Variants in ABLIM3 observed in about 807,000 individuals in gnomAD.
The protein encoded by ABLIM3 is actin binding LIM protein family member 3.
A neutral mutation model predicts 109.5 loss-of-function variants in ABLIM3; 61 were observed. That is an observed-to-expected ratio of 0.56 (90% CI 0.45 to 0.69). ABLIM3 has a LOEUF of 0.69. ABLIM3 is among the 30% of genes least tolerant of loss of function. The pLI, the probability that ABLIM3 is intolerant of heterozygous loss-of-function variation, is 0.00. For synonymous variants in ABLIM3, 300 were observed against 324.8 expected, an observed-to-expected ratio of 0.92 and a Z score of 0.82; for missense variants, 796 against 889.5, an observed-to-expected ratio of 0.89 and a Z score of 1.34.
At chr5:149,186,903 CAAAT>C (rs1019761684) in intron 3 of ABLIM3, among the ~76,000 whole-genome samples, 21 of 149,520 alleles carry the variant, frequency 1.4e-4, no homozygotes, top group Non-Finnish European at 1.9e-4. Context: ...GAAAAGGAAA[CAAAT>C]AAAACTTCTA....
At chr5:149,249,009 A>T (rs773859049) in intron 18 of ABLIM3, among the ~76,000 whole-genome samples, 2 of 152,174 alleles carry the variant, frequency 1.3e-5, no homozygotes, top group Non-Finnish European at 2.9e-5. Context: ...TTACACTTCT[A>T]TGTGCCAGGC....
chr5:149,205,299 A>G (rs1187229374), intron 5 of ABLIM3, among the ~76,000 whole-genome samples: 1 of 152,154 alleles, frequency 6.6e-6, no homozygotes, highest in Non-Finnish European at 1.5e-5. Context: ...AGGAGGGGTT[A>G]AACTGCCCAC....
intron 3 of ABLIM3, among the ~76,000 whole-genome samples, chr5:149,197,446 A>G (rs2029943430): frequency 6.6e-6 from 1 of 152,086 alleles, no homozygotes; most frequent in Admixed American, 6.6e-5. Flanking sequence ...GGTTCCGTGG[A>G]CCATCACCGA....
At chr5:149,194,480 A>C (rs1378686671) in intron 3 of ABLIM3, among the ~76,000 whole-genome samples, 1 of 152,242 alleles carries the variant, frequency 6.6e-6, no homozygotes, top group Non-Finnish European at 1.5e-5. Context: ...TCACAAATGC[A>C]AGAATGTTTA....
At chr5:149,179,656 T>C (rs1756286632) in intron 2 of ABLIM3, among the ~76,000 whole-genome samples, 1 of 152,112 alleles carries the variant, frequency 6.6e-6, no homozygotes, top group African/African-American at 2.4e-5. Context: ...TTCTTTTCCC[T>C]CTGCCTGGTG....
At chr5:149,251,465 T>A in intron 21 of ABLIM3, 46 bp downstream of exon 21, 3 of 1,601,456 alleles carry the variant, frequency 1.9e-6, no homozygotes, top group Non-Finnish European at 2.6e-6. Flanking sequence ...TGCCTCCAGA[T>A]GTACCACTCA....
chr5:149,172,458 TGTG>T (rs1384527766), intron 2 of ABLIM3, among the ~76,000 whole-genome samples: 3 of 152,196 alleles, frequency 2.0e-5, no homozygotes, highest in Admixed American at 1.3e-4. Flanking sequence ...GTCATGCTTC[TGTG>T]GTGCACCCCA....
In ABLIM3 at chr5:149,176,179, A is replaced by G. The variant is rs1755912682; in HGVS notation, c.14-7273A>G. Among the ~76,000 whole-genome samples, 3 of 152,132 alleles carry G rather than the reference A, an allele frequency of 2.0e-5. No individual in the cohort carries two copies. In the South Asian group the frequency reaches 6.2e-4, roughly 32 times the overall value. Reference sequence around the variant, plus strand: ...CTGGGACCCAGCACACACACCTGTCAGGCTTTACCTGCCCATGCCAGGGAT... The same window carrying G: ...CTGGGACCCAGCACACACACCTGTCGGGCTTTACCTGCCCATGCCAGGGAT... On this transcript the variant is annotated intron_variant, in intron 2 of 23. Coordinates refer to ENST00000309868, the MANE Select transcript of ABLIM3 (RefSeq NM_014945.5).
At chr5:149,234,683 C>T (rs1762176795) in intron 10 of ABLIM3, among the ~76,000 whole-genome samples, 1 of 152,182 alleles carries the variant, frequency 6.6e-6, no homozygotes, top group Non-Finnish European at 1.5e-5. Flanking sequence ...ATGGAAGATT[C>T]CTTTCTAAAG....
In ABLIM3 at chr5:149,251,148, A is replaced by T. The variant is rs550594795; in HGVS notation, c.1789-211A>T. Among the ~76,000 whole-genome samples, 42 of 152,368 alleles carry T rather than the reference A, an allele frequency of 2.8e-4. 1 individual carries two copies. Among genetic ancestry groups the T allele is most frequent in the Non-Finnish European group, 4.6e-4 (31 of 68,036 alleles). On this transcript the variant is annotated intron_variant, in intron 20 of 23. Transcript: ENST00000309868. ...AAGAAAGCATGAAGTGAAATTCACC[A>T]AATAAATGGATATATATTGAGTAGC...
chr5:149,171,558 A>T (rs185170174), intron 2 of ABLIM3, among the ~76,000 whole-genome samples: 128 of 152,306 alleles, frequency 8.4e-4, no homozygotes, highest in African/African-American at 2.8e-3. Context: ...TCCATACCCT[A>T]TCTGCTCTCC....
intron 2 of ABLIM3, among the ~76,000 whole-genome samples, chr5:149,169,288 C>G (rs1755148834): frequency 6.6e-6 from 1 of 152,078 alleles, no homozygotes. Context: ...CCAAGGTAGG[C>G]TAATTCAGAG....
intron 2 of ABLIM3, among the ~76,000 whole-genome samples, chr5:149,146,048 C>T (rs1161107300): frequency 6.6e-6 from 1 of 152,196 alleles, no homozygotes; most frequent in Non-Finnish European, 1.5e-5. Context: ...TCCTAAAGTT[C>T]TGGGATTATA....
At chr5:149,170,938 T>C (rs7714046) in intron 2 of ABLIM3, among the ~76,000 whole-genome samples, 64,337 of 151,978 alleles carry the variant, frequency 0.42, 14,273 homozygotes, top group East Asian at 0.67. Flanking sequence ...TACCAACAAC[T>C]TCATAAAAAA....
At chr5:149,256,251 A>G (rs1754416710) in intron 23 of ABLIM3, among the ~76,000 whole-genome samples, 1 of 152,156 alleles carries the variant, frequency 6.6e-6, no homozygotes, top group Non-Finnish European at 1.5e-5. Flanking sequence ...CATAACAAAG[A>G]TTTTTTAACA....
chr5:149,241,827 A>C (rs545558053), intron 14 of ABLIM3, among the ~76,000 whole-genome samples: 20 of 152,330 alleles, frequency 1.3e-4, no homozygotes, highest in African/African-American at 4.8e-4. Context: ...CAGAGGGAAG[A>C]GCACTATCAT....
intron 19 of ABLIM3, 21 bp from the exon 20 acceptor site, chr5:149,250,426 G>T (rs768768190): frequency 1.3e-5 from 21 of 1,613,798 alleles, no homozygotes; most frequent in Admixed American, 1.7e-5. Context: ...CCTGATAATT[G>T]CTCTAGATCC....
At position 149,207,135 on chromosome 5, in the gene ABLIM3, G is replaced by A. The variant is rs1161608944; in HGVS notation, c.575+1G>A. The A allele has an allele frequency of 1.9e-6, 3 of 1,612,822 alleles. No homozygotes were observed. Among genetic ancestry groups the A allele is most frequent in the Admixed American group, 3.3e-5 (2 of 59,900 alleles). On this transcript the variant is annotated splice_donor_variant, in intron 6 of 23. Coordinates refer to ENST00000309868, the MANE Select transcript of ABLIM3 (RefSeq NM_014945.5). LOFTEE classifies it high-confidence loss of function. ...TCCTCACCGGGGAGTATATCAGCAA[G>A]TGGGTCCCCCTGCTCCTGCCCCAGC...
intron 3 of ABLIM3, among the ~76,000 whole-genome samples, chr5:149,194,992 A>T (rs191858062): frequency 1.9e-4 from 29 of 152,320 alleles, no homozygotes; most frequent in South Asian, 6.2e-4. Flanking sequence ...AAATGTTCTG[A>T]ATAATGAATT....
Sources: allele counts gnomAD v4.1 joint callset (sites outside exome capture counted in the v4.1 genomes callset), GRCh38; gene constraint gnomAD v4.1.1; transcripts MANE v1.5; gene names NCBI Gene and HGNC (gene_info 2026-07-23, HGNC 2026-07-21).